The following FBXL19 variants were observed in gnomAD, a reference collection of about 807,000 sequenced individuals.
FBXL19 encodes the protein F-box and leucine rich repeat protein 19.
A neutral mutation model predicts 71.2 loss-of-function variants in FBXL19; 16 were observed. The ratio of observed to expected loss-of-function variants is 0.22; its 90% CI spans 0.15 to 0.34. The LOEUF (loss-of-function observed/expected upper bound fraction) is 0.34. Ranked by LOEUF, FBXL19 falls within the 10% of genes least tolerant of loss-of-function variation. The probability of loss-of-function intolerance (pLI) is 1.00; values close to 1 mark genes in which losing one functional copy is unlikely to be tolerated. For synonymous variants in FBXL19, 447 were observed against 409.4 expected (o/e 1.09, Z -1.11); for missense variants, 658 against 968.2 (o/e 0.68, Z 4.25).
At chr16:30,944,854 G>GA (rs1176072982) in intron 9 of FBXL19, among the ~76,000 whole-genome samples, 1 of 152,178 alleles carries the variant, frequency 6.6e-6, no homozygotes, top group Non-Finnish European at 1.5e-5. Context: ...AAGACAGGAG[G>GA]AGGGGTTAAA....
chr16:30,941,654 T>C (rs2055803761), intron 7 of FBXL19, among the ~76,000 whole-genome samples: 1 of 152,106 alleles, frequency 6.6e-6, no homozygotes, highest in Non-Finnish European at 1.5e-5. Context: ...CAAGGACCCA[T>C]GAGCACCAGA....
At chr16:30,934,765 A>G (rs2055713127) in intron 7 of FBXL19, among the ~76,000 whole-genome samples, 1 of 152,196 alleles carries the variant, frequency 6.6e-6, no homozygotes, top group Non-Finnish European at 1.5e-5. Context: ...CAACAGCATC[A>G]TTCCCCAGGC....
At chr16:30,929,850 G>A (rs573899320) in intron 6 of FBXL19, among the ~76,000 whole-genome samples, 33 of 152,308 alleles carry the variant, frequency 2.2e-4, no homozygotes, top group African/African-American at 6.7e-4. Context: ...CACTGCGCCC[G>A]GCTGGAAATT....
rs2055550981 is a variant in FBXL19, at chr16:30,923,576, G to C, written c.-908G>C. Among the ~76,000 whole-genome samples, 1 of 148,482 alleles carries C rather than the reference G, an allele frequency of 6.7e-6. No homozygotes were observed. Among genetic ancestry groups the C allele is most frequent in the African/African-American group, 2.5e-5 (1 of 40,112 alleles). On this transcript the variant is annotated 5_prime_UTR_variant, in exon 1 of 11. Transcript: ENST00000338343. Reference sequence around the variant, plus strand: ...AGGGAGGGGAGGGGAGGGGGGAAGAGAGGAGGAAGGAGGAAGGAGCTGAGG... The same window carrying C: ...AGGGAGGGGAGGGGAGGGGGGAAGACAGGAGGAAGGAGGAAGGAGCTGAGG...
chr16:30,923,267 G>A (rs1177049755), upstream of FBXL19: 1 of 448,696 alleles, frequency 2.2e-6, no homozygotes, highest in East Asian at 7.1e-5. Flanking sequence ...CCTTCTCGAT[G>A]TTCTGCAACT....
In FBXL19 at chr16:30,942,134, G is replaced by A. The variant is rs1385399162; in HGVS notation, c.1320G>A (p.Leu440=). Residue 440 remains leucine (L), a synonymous_variant, in exon 8 of 11, where the codon CTG becomes CTA. Coordinates refer to ENST00000338343, the MANE Select transcript of FBXL19 (RefSeq NM_001382779.1). The surrounding 1 kb of genome is among the most constrained non-coding windows in gnomAD (Gnocchi z 5.7). ...TWSRWCYDKR[L]WPRMDLSRRK... is the part of the protein sequence containing the mutation. ...CCGCCAGGTGCTATGACAAGCGTCT[G>A]TGGCCTCGAATGGACCTGAGCCGGC... The A allele has an allele frequency of 1.9e-6, 3 of 1,592,254 alleles. No homozygotes were observed. Among genetic ancestry groups the A allele is most frequent in the African/African-American group, 2.7e-5 (2 of 74,478 alleles).
In FBXL19 at chr16:30,927,823, A is replaced by T. The variant is rs2055612936; in HGVS notation, c.487A>T (p.Thr163Ser). The change falls in exon 5 of 11, where the codon ACA becomes TCA. Residue 163 changes from threonine to serine, a missense_variant. Physicochemically the swap from Thr to Ser is moderately conservative, Grantham distance 58 (BLOSUM62 1). This residue lies in a region of FBXL19 where 447 missense variants were observed against 515.4 expected (regional missense o/e 0.87). Coordinates refer to ENST00000338343, the MANE Select transcript of FBXL19 (RefSeq NM_001382779.1). ...GASLGSGWKL[T>S]EEPPLPPPPP... ...CAGCTTGGGGAGCGGATGGAAGCTG[A>T]CAGAGGAGCCACCGCTTCCACCGCC... The T allele has an allele frequency of 6.5e-7, 1 of 1,549,150 alleles. No individual in the cohort carries two copies. The highest frequency in any genetic ancestry group is 1.4e-5 in the African/African-American group (1 of 73,042).
chr16:30,941,988 T>C, intron 7 of FBXL19, 128 bp from the exon 8 acceptor site: 1 of 1,082,584 alleles, frequency 9.2e-7, no homozygotes, highest in Non-Finnish European at 1.2e-6. Flanking sequence ...GTCAGGTGCT[T>C]CTTGCTACCC....
At chr16:30,923,376 G>T (rs1421078179), upstream of FBXL19, 1 of 376,312 alleles carries the variant, frequency 2.7e-6, no homozygotes, top group Non-Finnish European at 5.4e-6. Flanking sequence ...TGTCCCCAGC[G>T]TCCTATTGTT....
At position 30,927,340 on chromosome 16, in the gene FBXL19, G is replaced by C; in HGVS notation, c.210G>C (p.Leu70Phe). The change falls in exon 3 of 11, where the codon TTG becomes TTC. Residue 70 changes from leucine to phenylalanine, a missense_variant. By Grantham distance (22) the Leu-to-Phe change is conservative. Transcript: ENST00000338343. ...TCCCACACACAGCTGTGTGCCTCTT[G>C]TGTGGGGAGGCTGGGAAGGAGGACA... ...PVLPHTAVCL[L>F]CGEAGKEDTV... is the part of the protein sequence containing the mutation. 6.3e-7 allele frequency: 1 copy of C among 1,582,358 alleles called. No homozygotes were observed. Among genetic ancestry groups the C allele is most frequent in the Non-Finnish European group, 8.6e-7 (1 of 1,163,810 alleles).
rs1324381914 is a variant in FBXL19 at position 30,928,003 on chromosome 16, ATTCTGGGAGCTGTAGTCCTGGCTGG to A, written c.627+46_627+70del. On this transcript the variant is annotated intron_variant, in intron 5 of 10. Coordinates refer to ENST00000338343, the MANE Select transcript of FBXL19 (RefSeq NM_001382779.1). ...ACGCTCACTAGGCTTGTCCTGAGGA[ATTCTGGGAGCTGTAGTCCTGGCTGG>A]TTCTGTGGGGCTGTGTGGGCCTGGG... 8 of 1,334,244 alleles carry A rather than the reference ATTCTGGGAGCTGTAGTCCTGGCTGG, an allele frequency of 6.0e-6. No individual in the cohort carries two copies. The East Asian group carries it at 1.8e-4, about 29-fold the overall frequency. The allele number at this position is 1,334,244 out of a possible 1,614,324, so 82.7% of individuals were successfully genotyped here.
Position 30,925,743 on chromosome 16 carries a change from C to T in FBXL19, c.-12C>T. 6.7e-7 allele frequency: 1 copy of T among 1,489,288 alleles called. No individual in the cohort carries two copies. Among genetic ancestry groups the T allele is most frequent in the Non-Finnish European group, 8.9e-7 (1 of 1,125,454 alleles). The allele number at this position is 1,489,288 out of a possible 1,614,324, so 92.3% of individuals were successfully genotyped here. ...CATCCACCTACAGCCCTCGGCGTTG[C>T]TGACGCCCCCAATGTCGTCGAGCAG... On this transcript the variant is annotated 5_prime_UTR_variant, in exon 2 of 11. Coordinates refer to ENST00000338343, the MANE Select transcript of FBXL19 (RefSeq NM_001382779.1). The surrounding 1 kb of genome is among the most constrained non-coding windows in gnomAD (Gnocchi z 5.0).
intron 5 of FBXL19, 146 bp downstream of exon 5, chr16:30,928,109 TG>T (rs1004809724): frequency 4.5e-6 from 1 of 222,710 alleles, no homozygotes; most frequent in South Asian, 8.2e-5. Context: ...AGGAGTTGGG[TG>T]GGGGGAGGAT....
Position 30,946,760 on chromosome 16 carries a change from G to C in FBXL19, c.1658G>C (p.Gly553Ala), listed in dbSNP as rs956277844. 1 of 1,613,364 alleles carries C rather than the reference G, an allele frequency of 6.2e-7. No individual in the cohort carries two copies. The highest frequency in any genetic ancestry group is 1.3e-5 in the African/African-American group (1 of 75,006). ...GQTESRGRLQ[G>A]VAELRLAGLE... is the part of the protein sequence containing the mutation. Reference sequence around the variant, plus strand: ...ACAGAGAGCCGTGGTCGGCTGCAGGGGGTGGCAGAACTGCGTCTGGCAGGT... The same window carrying C: ...ACAGAGAGCCGTGGTCGGCTGCAGGCGGTGGCAGAACTGCGTCTGGCAGGT... Residue 553 changes from glycine (G) to alanine (A), a missense_variant, in exon 10 of 11, where the codon GGG becomes GCG. Transcript: ENST00000338343. The surrounding 1 kb of genome is among the most constrained non-coding windows in gnomAD (Gnocchi z 6.7).
chr16:30,943,972 T>A (rs2055829927), intron 9 of FBXL19, among the ~76,000 whole-genome samples: 1 of 152,146 alleles, frequency 6.6e-6, no homozygotes, highest in Non-Finnish European at 1.5e-5. Context: ...CTGCTGCAGG[T>A]CACCCAGTCA....
At position 30,930,013 on chromosome 16, in the gene FBXL19, TA is replaced by T; in HGVS notation, c.790-59del. Reference sequence around the variant, plus strand: ...TTCATCCCCTGGTGACTCCTCGGGGTAGGGGGGTGGGAAAATGTATCCCAGG... The same window carrying T: ...TTCATCCCCTGGTGACTCCTCGGGGTGGGGGGTGGGAAAATGTATCCCAGG... On this transcript the variant is annotated intron_variant, in intron 6 of 10. Coordinates refer to ENST00000338343, the MANE Select transcript of FBXL19 (RefSeq NM_001382779.1). This position sits in a 1 kb window ranked among gnomAD's most constrained non-coding sequence, Gnocchi z 8.5. 6.4e-7 allele frequency: 1 copy of T among 1,558,746 alleles called. No homozygotes were observed. The highest frequency in any genetic ancestry group is 2.3e-5 in the East Asian group (1 of 44,366).
intron 7 of FBXL19, among the ~76,000 whole-genome samples, chr16:30,940,183 G>A (rs1368697202): frequency 6.6e-6 from 1 of 151,950 alleles, no homozygotes; most frequent in African/African-American, 2.4e-5. Flanking sequence ...GCTTGAACTT[G>A]GGAGATGGTG....
At position 30,947,185 on chromosome 16, in the gene FBXL19, C is replaced by T. The variant is rs1456576409; in HGVS notation, c.1980C>T (p.Gly660=). 2 of 1,598,904 alleles carry T rather than the reference C, an allele frequency of 1.3e-6. No individual in the cohort carries two copies. The highest frequency in any genetic ancestry group is 1.7e-6 in the Non-Finnish European group (2 of 1,179,364). The change falls in exon 11 of 11, where the codon GGC becomes GGT. Residue 660 remains glycine, a synonymous_variant. Transcript: ENST00000338343. ...GGCTGGCAGCTGCCGGGCCCCCTGG[C>T]CCCTTCCGCTGCCCTGAGGAGAAGC... ...CARLAAAGPP[G]PFRCPEEKLL...
chr16:30,935,562 G>C (rs2055723102), intron 7 of FBXL19, among the ~76,000 whole-genome samples: 1 of 152,158 alleles, frequency 6.6e-6, no homozygotes, highest in Non-Finnish European at 1.5e-5. Flanking sequence ...GGAAGGGACT[G>C]GAATACAAGG....
Sources: gnomAD v4.1 joint callset for allele counts (sites outside exome capture counted in the v4.1 genomes callset) on GRCh38, gnomAD v4.1.1 for gene constraint, gnomAD v4.1.1 regional missense constraint, Gnocchi (gnomAD v3.1) non-coding constraint, MANE v1.5 for transcripts, NCBI Gene and HGNC (gene_info 2026-07-23, HGNC 2026-07-21) for gene names.